PLA2G4A: variants seen among roughly 807,000 people sequenced by gnomAD.
PLA2G4A encodes cytosolic phospholipase A2.
A neutral mutation model predicts 81.9 loss-of-function variants in PLA2G4A; 40 were observed. That is an observed-to-expected ratio of 0.49 (90% CI 0.38 to 0.64). The LOEUF is 0.64. Among genes scored for constraint, PLA2G4A ranks in the 30% least tolerant of loss-of-function variants. The probability of loss-of-function intolerance (pLI) is 0.00; values close to 1 mark genes in which losing one functional copy is unlikely to be tolerated. For missense variants in PLA2G4A, 715 were observed against 905.1 expected, an observed-to-expected ratio of 0.79 and a Z score of 2.69; for synonymous variants, 302 against 296.9, an observed-to-expected ratio of 1.02 and a Z score of -0.18.
chr1:186,839,181 G>A (rs1298464643), intron 1 of PLA2G4A, among the ~76,000 whole-genome samples: 1 of 152,216 alleles, frequency 6.6e-6, no homozygotes, highest in Non-Finnish European at 1.5e-5. Flanking sequence ...TGGAAGCAGT[G>A]AGTCTGTGCG....
intron 7 of PLA2G4A, among the ~76,000 whole-genome samples, chr1:186,924,405 A>T (rs1655471419): frequency 6.6e-6 from 1 of 152,170 alleles, no homozygotes; most frequent in Non-Finnish European, 1.5e-5. Flanking sequence ...TGCAAATGAC[A>T]GATGTCTCCT....
At chr1:186,849,207 A>T (rs1162860951) in intron 1 of PLA2G4A, among the ~76,000 whole-genome samples, 1 of 152,038 alleles carries the variant, frequency 6.6e-6, no homozygotes, top group East Asian at 1.9e-4. Flanking sequence ...CATTGGACAA[A>T]TCTTTATTCT....
chr1:186,947,704 A>C (rs1240336256), intron 12 of PLA2G4A, among the ~76,000 whole-genome samples: 1 of 152,156 alleles, frequency 6.6e-6, no homozygotes, highest in Non-Finnish European at 1.5e-5. Context: ...GTTTTGACTG[A>C]TAGCATAAAG....
intron 14 of PLA2G4A, among the ~76,000 whole-genome samples, chr1:186,962,535 T>TTTA (rs902992209): frequency 2.0e-5 from 3 of 150,308 alleles, no homozygotes; most frequent in Non-Finnish European, 4.4e-5. Flanking sequence ...TATTTATTTA[T>TTTA]TTTTGAGACG....
chr1:186,906,532 G>A (rs796592864), intron 5 of PLA2G4A, among the ~76,000 whole-genome samples: 2 of 152,294 alleles, frequency 1.3e-5, no homozygotes, highest in African/African-American at 4.8e-5. Flanking sequence ...TTATACATGT[G>A]TGAACTTTCA....
At position 186,974,118 on chromosome 1, in the gene PLA2G4A, T is replaced by C. The variant is rs187792012; in HGVS notation, c.1765-3475T>C. Among the ~76,000 whole-genome samples the C allele has an allele frequency of 6.5e-3, 987 of 151,726 alleles. 13 individuals are homozygous for C. The highest frequency in any genetic ancestry group is 0.022 in the African/African-American group (929 of 41,324). ...TTCATATATTTAAAATATATATTTA[T>C]ATTTTTTTACATGTAAATGAATGAA... On this transcript the variant is annotated intron_variant, in intron 15 of 17. Coordinates refer to ENST00000367466, the MANE Select transcript of PLA2G4A (RefSeq NM_024420.3).
At chr1:186,917,558 A>C (rs1655184218) in intron 7 of PLA2G4A, among the ~76,000 whole-genome samples, 1 of 152,136 alleles carries the variant, frequency 6.6e-6, no homozygotes, top group South Asian at 2.1e-4. Flanking sequence ...TGTAGCTTCC[A>C]AGTGATTCCT....
Position 186,864,984 on chromosome 1 carries a change from T to C in PLA2G4A, c.34-5451T>C, listed in dbSNP as rs193034679. On this transcript the variant is annotated intron_variant, in intron 2 of 17. Coordinates refer to ENST00000367466, the MANE Select transcript of PLA2G4A (RefSeq NM_024420.3). ...TGGGTTTGGTGGTGTGTGCTTGTAATCCAAGCTACTTGGGAGGCTGAGGTC... is the reference window on the plus strand; with the variant it reads ...TGGGTTTGGTGGTGTGTGCTTGTAACCCAAGCTACTTGGGAGGCTGAGGTC... Among the ~76,000 whole-genome samples, 170 of 151,282 alleles carry C rather than the reference T, an allele frequency of 1.1e-3. 4 individuals carry two copies. In the East Asian group the frequency reaches 0.028, roughly 25 times the overall value.
intron 1 of PLA2G4A, among the ~76,000 whole-genome samples, chr1:186,850,867 ATTTATT>A (rs1020750246): frequency 2.6e-5 from 4 of 152,086 alleles, no homozygotes; most frequent in African/African-American, 9.7e-5. Flanking sequence ...TATTGTAGAT[ATTTATT>A]TTTAAGTGGC....
At chr1:186,987,300 T>G (rs555888452) in intron 17 of PLA2G4A, among the ~76,000 whole-genome samples, 3 of 152,216 alleles carry the variant, frequency 2.0e-5, no homozygotes, top group Admixed American at 6.5e-5. Context: ...CCACAGCAGT[T>G]GTGAGTGAGA....
intron 5 of PLA2G4A, among the ~76,000 whole-genome samples, chr1:186,899,495 T>C (rs968440294): frequency 2.6e-5 from 4 of 152,160 alleles, no homozygotes; most frequent in Admixed American, 2.6e-4. Context: ...ACAGCCTATC[T>C]GAAGGCACTG....
intron 2 of PLA2G4A, among the ~76,000 whole-genome samples, chr1:186,865,060 C>T (rs552450327): frequency 6.7e-6 from 1 of 149,828 alleles, no homozygotes; most frequent in Admixed American, 6.7e-5. Flanking sequence ...GAATGAGACT[C>T]TGTCTAAATA....
chr1:186,976,766 G>A (rs1170808023), intron 15 of PLA2G4A, among the ~76,000 whole-genome samples: 1 of 152,120 alleles, frequency 6.6e-6, no homozygotes, highest in East Asian at 1.9e-4. Context: ...ATTTAATTTT[G>A]GGGGTGCTTA....
At position 186,934,802 on chromosome 1, in the gene PLA2G4A, A is replaced by G. The variant is rs115355659; in HGVS notation, c.695+1903A>G. Among the ~76,000 whole-genome samples, 1,012 of 151,878 alleles carry G rather than the reference A, an allele frequency of 6.7e-3. 16 individuals are homozygous for G. Among genetic ancestry groups the G allele is most frequent in the African/African-American group, 0.024 (983 of 41,478 alleles). ...TTTGTGCTTCTTTCTAATTGTTCCT[A>G]TCATGCCTTTTCAGTTTTATTTCAT... On this transcript the variant is annotated intron_variant, in intron 8 of 17. Coordinates refer to ENST00000367466, the MANE Select transcript of PLA2G4A (RefSeq NM_024420.3).
At chr1:186,857,055 T>TTGCTGGATGATCTGGG (rs1367654873) in intron 2 of PLA2G4A, among the ~76,000 whole-genome samples, 13 of 49,566 alleles carry the variant, frequency 2.6e-4, no homozygotes, top group East Asian at 7.6e-4. Context: ...CACATGTGTC[T>TTGCTGGATGATCTGGG]GCCATGCAGC....
intron 3 of PLA2G4A, among the ~76,000 whole-genome samples, chr1:186,889,572 A>G (rs2102102461): frequency 6.6e-6 from 1 of 152,328 alleles, no homozygotes; most frequent in Non-Finnish European, 1.5e-5. Flanking sequence ...ATGCATCTAA[A>G]GAAGCTGATG....
intron 17 of PLA2G4A, among the ~76,000 whole-genome samples, chr1:186,986,432 T>G (rs1012879868): frequency 1.3e-5 from 2 of 152,182 alleles, no homozygotes; most frequent in African/African-American, 4.8e-5. Context: ...AGAAACCAAT[T>G]GATAAATTTG....
At chr1:186,929,046 CTTTG>C (rs1387428416) in intron 7 of PLA2G4A, among the ~76,000 whole-genome samples, 1 of 152,144 alleles carries the variant, frequency 6.6e-6, no homozygotes, top group Non-Finnish European at 1.5e-5. Context: ...CAAACTTAGT[CTTTG>C]TTTATTACAT....
chr1:186,907,147 C>A (rs1571388249), intron 6 of PLA2G4A, 145 bp downstream of exon 6: 1 of 592,794 alleles, frequency 1.7e-6, no homozygotes, highest in Non-Finnish European at 3.0e-6. Context: ...CTTTAGTTGT[C>A]TGTTAATACC....
Sources: gnomAD v4.1 joint callset for allele counts (sites outside exome capture counted in the v4.1 genomes callset) on GRCh38, gnomAD v4.1.1 for gene constraint, MANE v1.5 for transcripts, NCBI Gene and HGNC (gene_info 2026-07-23, HGNC 2026-07-21) for gene names.